Variants in CNTNAP2 observed in about 807,000 individuals in gnomAD.
The protein encoded by CNTNAP2 is contactin associated protein 2, also known as contactin-associated protein-like 2.
CNTNAP2 carries 98 observed loss-of-function variants against 155.2 expected under a neutral mutation model. The ratio of observed to expected loss-of-function variants is 0.63; its 90% CI spans 0.54 to 0.75. The LOEUF (loss-of-function observed/expected upper bound fraction) is 0.75. CNTNAP2 is among the 30% of genes least tolerant of loss of function. CNTNAP2 has a pLI of 0.00. For synonymous variants in CNTNAP2, 651 were observed against 631.2 expected (o/e 1.03, Z -0.47); for missense variants, 1,727 against 1,688.1 (o/e 1.02, Z -0.40).
At chr7:146,731,695 G>T (rs115545806) in intron 1 of CNTNAP2, among the ~76,000 whole-genome samples, 1 of 152,010 alleles carries the variant, frequency 6.6e-6, no homozygotes, top group African/African-American at 2.4e-5. Flanking sequence ...AAAACAGCAC[G>T]GATAGAAGTG....
intron 1 of CNTNAP2, among the ~76,000 whole-genome samples, chr7:146,233,758 T>C (rs1799425243): frequency 2.6e-5 from 4 of 151,962 alleles, no homozygotes; most frequent in Admixed American, 2.6e-4. Context: ...GAATGATGAT[T>C]TCCAATTTCA....
Position 146,860,717 on chromosome 7 carries a change from AT to A in CNTNAP2, c.402+20814del, listed in dbSNP as rs1433334777. Among the ~76,000 whole-genome samples the A allele has an allele frequency of 2.0e-5, 3 of 152,192 alleles. No homozygotes were observed. In the East Asian group the frequency reaches 5.8e-4, roughly 29 times the overall value. ...GCATCTACATTCATTTAAAGTATTT[AT>A]CAAATGATTGAAAAAAAATTTCTTG... On this transcript the variant is annotated intron_variant, in intron 3 of 23. Coordinates refer to ENST00000361727, the MANE Select transcript of CNTNAP2 (RefSeq NM_014141.6).
At chr7:147,483,373 T>G (rs1563222101) in intron 10 of CNTNAP2, among the ~76,000 whole-genome samples, 1 of 152,104 alleles carries the variant, frequency 6.6e-6, no homozygotes, top group African/African-American at 2.4e-5. Flanking sequence ...GGGTGGGGAT[T>G]GGTGTGGAAC....
chr7:146,685,503 A>G (rs1800581319), intron 1 of CNTNAP2, among the ~76,000 whole-genome samples: 2 of 152,180 alleles, frequency 1.3e-5, no homozygotes, highest in Non-Finnish European at 2.9e-5. Flanking sequence ...TGGGAGAACC[A>G]AAAAAATACA....
chr7:147,541,093 T>TCCC (rs1365997048), intron 11 of CNTNAP2, among the ~76,000 whole-genome samples: 1 of 152,208 alleles, frequency 6.6e-6, no homozygotes, highest in Non-Finnish European at 1.5e-5. Context: ...AACATCTACT[T>TCCC]CTTTTAAAAA....
chr7:147,182,905 T>A (rs1291956269), intron 8 of CNTNAP2, among the ~76,000 whole-genome samples: 1 of 152,164 alleles, frequency 6.6e-6, no homozygotes, highest in Non-Finnish European at 1.5e-5. Context: ...ACTTATATTA[T>A]TCAGTCAGTA....
chr7:147,206,909 C>G (rs888745720), intron 8 of CNTNAP2, among the ~76,000 whole-genome samples: 1 of 152,128 alleles, frequency 6.6e-6, no homozygotes, highest in Non-Finnish European at 1.5e-5. Context: ...CAGAAGCTTA[C>G]AAAATCATCA....
At chr7:146,181,369 G>GA (rs1024739708) in intron 1 of CNTNAP2, among the ~76,000 whole-genome samples, 9 of 151,988 alleles carry the variant, frequency 5.9e-5, no homozygotes, top group African/African-American at 1.9e-4. Context: ...ATCAGTAACA[G>GA]AAAAAAAGTT....
chr7:147,561,634 A>G (rs1800066088), intron 11 of CNTNAP2, among the ~76,000 whole-genome samples: 1 of 152,214 alleles, frequency 6.6e-6, no homozygotes, highest in Non-Finnish European at 1.5e-5. Context: ...GGAAGATTCA[A>G]AATTACATAC....
intron 8 of CNTNAP2, among the ~76,000 whole-genome samples, chr7:147,230,385 G>A (rs1175954197): frequency 6.6e-6 from 1 of 152,190 alleles, no homozygotes; most frequent in Non-Finnish European, 1.5e-5. Context: ...AGCCTCCTGA[G>A]TAGCTGGAAC....
At chr7:146,948,562 T>A (rs900706574) in intron 3 of CNTNAP2, among the ~76,000 whole-genome samples, 1 of 152,198 alleles carries the variant, frequency 6.6e-6, no homozygotes, top group Admixed American at 6.5e-5. Flanking sequence ...CTCAATTATA[T>A]TTAAATCAAA....
At chr7:146,640,227 A>G (rs530955964) in intron 1 of CNTNAP2, among the ~76,000 whole-genome samples, 1 of 152,312 alleles carries the variant, frequency 6.6e-6, no homozygotes, top group East Asian at 1.9e-4. Flanking sequence ...CTTTTGGAAT[A>G]TTTCTTTCTG....
intron 12 of CNTNAP2, among the ~76,000 whole-genome samples, chr7:147,584,004 C>A (rs192618709): frequency 7.3e-4 from 111 of 152,184 alleles, no homozygotes; most frequent in Middle Eastern, 6.8e-3. Flanking sequence ...AGAGGCTCAA[C>A]CTTTTTAAGA....
At chr7:148,238,639 A>G (rs1796090276) in intron 20 of CNTNAP2, among the ~76,000 whole-genome samples, 2 of 152,232 alleles carry the variant, frequency 1.3e-5, no homozygotes, top group African/African-American at 2.4e-5. Context: ...CCTAATTTTT[A>G]TAATCAAAGA....
chr7:146,742,080 AG>A (rs1801727992), intron 1 of CNTNAP2, among the ~76,000 whole-genome samples: 1 of 150,338 alleles, frequency 6.7e-6, no homozygotes, highest in South Asian at 2.1e-4. Context: ...AAAAAAAAAA[AG>A]AAAATTTAAG....
At chr7:146,808,652 A>C (rs1047255050) in intron 2 of CNTNAP2, among the ~76,000 whole-genome samples, 1 of 152,232 alleles carries the variant, frequency 6.6e-6, no homozygotes, top group African/African-American at 2.4e-5. Flanking sequence ...GCTGTACATT[A>C]GATTCAGACT....
chr7:147,628,961 C>A (rs1795036256), intron 12 of CNTNAP2, among the ~76,000 whole-genome samples: 1 of 150,902 alleles, frequency 6.6e-6, no homozygotes, highest in African/African-American at 2.4e-5. Context: ...AATATATATG[C>A]ACCTAACACT....
intron 1 of CNTNAP2, among the ~76,000 whole-genome samples, chr7:146,222,310 A>G (rs1799219571): frequency 6.6e-6 from 1 of 152,230 alleles, no homozygotes; most frequent in African/African-American, 2.4e-5. Flanking sequence ...TCAAGAACAT[A>G]GTAATGTCCT....
intron 17 of CNTNAP2, among the ~76,000 whole-genome samples, chr7:148,163,057 AT>A (rs1303885485): frequency 3.5e-4 from 54 of 152,224 alleles, no homozygotes; most frequent in Admixed American, 3.1e-3. Context: ...TGCCTCAGGT[AT>A]TAATCACTCT....
Sources: allele counts gnomAD v4.1 joint callset (sites outside exome capture counted in the v4.1 genomes callset), GRCh38; gene constraint gnomAD v4.1.1; transcripts MANE v1.5; gene names NCBI Gene and HGNC (gene_info 2026-07-23, HGNC 2026-07-21).